Variants in PDZRN4 observed in about 807,000 individuals in gnomAD.
PDZRN4 encodes the protein PDZ domain-containing RING finger protein 4.
Under a neutral mutation model 99.0 loss-of-function variants are expected in PDZRN4, and 70 were observed. The ratio of observed to expected loss-of-function variants is 0.71; its 90% CI spans 0.58 to 0.86. The LOEUF (loss-of-function observed/expected upper bound fraction) is 0.86, where lower values mean the gene tolerates loss of function less well. Ranked by LOEUF, PDZRN4 falls within the 40% of genes least tolerant of loss-of-function variation. PDZRN4 has a pLI of 0.00. For synonymous variants in PDZRN4, 551 were observed against 501.6 expected, an observed-to-expected ratio of 1.10 and a Z score of -1.32; for missense variants, 1,474 against 1,331.2, an observed-to-expected ratio of 1.11 and a Z score of -1.67.
intron 3 of PDZRN4, among the ~76,000 whole-genome samples, chr12:41,312,505 G>C (rs1279591324): frequency 3.3e-5 from 5 of 152,110 alleles, no homozygotes; most frequent in African/African-American, 1.2e-4. Context: ...AGACATATCT[G>C]AGACTGGGTA....
chr12:41,359,246 G>A (rs1257657222), intron 3 of PDZRN4, among the ~76,000 whole-genome samples: 1 of 151,920 alleles, frequency 6.6e-6, no homozygotes, highest in African/African-American at 2.4e-5. Context: ...GTTTGGAATT[G>A]AATTGGAATA....
chr12:41,193,031 T>C (rs1950745515), intron 2 of PDZRN4, among the ~76,000 whole-genome samples: 1 of 152,230 alleles, frequency 6.6e-6, no homozygotes. Context: ...ACTGTCTTAG[T>C]GTTGTTGGCC....
chr12:41,292,275 C>A, intron 3 of PDZRN4, among the ~76,000 whole-genome samples: 1 of 152,138 alleles, frequency 6.6e-6, no homozygotes, highest in African/African-American at 2.4e-5. Context: ...GCTCAAAAAT[C>A]TTTATGAAAG....
At chr12:41,294,496 A>G (rs962131664) in intron 3 of PDZRN4, among the ~76,000 whole-genome samples, 3 of 152,214 alleles carry the variant, frequency 2.0e-5, no homozygotes, top group Non-Finnish European at 4.4e-5. Context: ...CGAGGACTTT[A>G]TGAAGACTCT....
At chr12:41,276,668 T>C (rs983730758) in intron 3 of PDZRN4, among the ~76,000 whole-genome samples, 17 of 152,172 alleles carry the variant, frequency 1.1e-4, no homozygotes, top group African/African-American at 4.1e-4. Flanking sequence ...CAGCTCTTAA[T>C]GTTAGGGCCA....
At chr12:41,409,022 G>T (rs1159847056) in intron 3 of PDZRN4, among the ~76,000 whole-genome samples, 3 of 152,044 alleles carry the variant, frequency 2.0e-5, no homozygotes, top group Admixed American at 2.0e-4. Context: ...TGGTATCATA[G>T]GCAAAACTAT....
At chr12:41,199,978 A>T (rs3911712) in intron 3 of PDZRN4, among the ~76,000 whole-genome samples, 2 of 151,994 alleles carry the variant, frequency 1.3e-5, no homozygotes, top group South Asian at 4.2e-4. Flanking sequence ...ATGTATCCAC[A>T]TAAAAAAACT....
At chr12:41,555,013 C>A (rs987110404) in intron 6 of PDZRN4, among the ~76,000 whole-genome samples, 9 of 145,250 alleles carry the variant, frequency 6.2e-5, no homozygotes, top group Admixed American at 2.8e-4. Flanking sequence ...TCAAGACCAT[C>A]CGGGCTAACA....
intron 3 of PDZRN4, among the ~76,000 whole-genome samples, chr12:41,281,431 G>C (rs900331935): frequency 6.6e-6 from 1 of 152,190 alleles, no homozygotes. Context: ...AGCTAAAGGA[G>C]CATGTTCTAA....
intron 1 of PDZRN4, among the ~76,000 whole-genome samples, chr12:41,189,843 T>A (rs1201056856): frequency 1.3e-5 from 2 of 152,168 alleles, no homozygotes; most frequent in Non-Finnish European, 1.5e-5. Flanking sequence ...AACCTCCATC[T>A]GTGGTCAGAC....
intron 8 of PDZRN4, among the ~76,000 whole-genome samples, chr12:41,565,391 C>T (rs1408033675): frequency 6.6e-6 from 1 of 151,130 alleles, no homozygotes; most frequent in Admixed American, 6.6e-5. Flanking sequence ...CATTTTAATA[C>T]CATACTTTTA....
intron 3 of PDZRN4, among the ~76,000 whole-genome samples, chr12:41,357,645 C>A (rs1182770931): frequency 6.6e-6 from 1 of 151,956 alleles, no homozygotes; most frequent in Non-Finnish European, 1.5e-5. Flanking sequence ...TAAGCATGTA[C>A]TGTACCTAGT....
At chr12:41,394,814 G>A (rs559909285) in intron 3 of PDZRN4, among the ~76,000 whole-genome samples, 1 of 151,418 alleles carries the variant, frequency 6.6e-6, no homozygotes, top group South Asian at 2.1e-4. Context: ...AATGAGAAAT[G>A]AGAGAGAGAG....
At chr12:41,519,560 T>G (rs1938457329) in intron 5 of PDZRN4, among the ~76,000 whole-genome samples, 1 of 152,020 alleles carries the variant, frequency 6.6e-6, no homozygotes, top group Admixed American at 6.6e-5. Flanking sequence ...TTTCTTACTA[T>G]GAATGATCGT....
intron 3 of PDZRN4, among the ~76,000 whole-genome samples, chr12:41,203,970 A>T (rs1950832732): frequency 6.6e-6 from 1 of 152,070 alleles, no homozygotes; most frequent in Admixed American, 6.6e-5. Context: ...ACCTAACTTG[A>T]AAAGTGAAAG....
In PDZRN4 at chr12:41,468,356, A is replaced by G. The variant is rs577169332; in HGVS notation, c.844-38100A>G. On this transcript the variant is annotated intron_variant, in intron 3 of 9. Transcript: ENST00000402685. Reference sequence around the variant, plus strand: ...GTCTTAAGAAAACTCTTTCTCACCCATACATAGGAGGGAATGTTTTCCCTT... The same window carrying G: ...GTCTTAAGAAAACTCTTTCTCACCCGTACATAGGAGGGAATGTTTTCCCTT... Among the ~76,000 whole-genome samples, 3 of 152,332 alleles carry G rather than the reference A, an allele frequency of 2.0e-5. No homozygotes were observed. In the East Asian group the frequency reaches 5.8e-4, roughly 29 times the overall value.
intron 3 of PDZRN4, among the ~76,000 whole-genome samples, chr12:41,335,786 T>C (rs1951769230): frequency 6.6e-6 from 1 of 152,238 alleles, no homozygotes; most frequent in South Asian, 2.1e-4. Context: ...AGCAGCAAAC[T>C]ATGAAATATA....
At chr12:41,227,790 T>C (rs1951003885) in intron 3 of PDZRN4, among the ~76,000 whole-genome samples, 1 of 151,440 alleles carries the variant, frequency 6.6e-6, no homozygotes, top group Non-Finnish European at 1.5e-5. Context: ...CTCTCCTGTG[T>C]GAAGTGTGAT....
At chr12:41,443,486 A>G (rs894658667) in intron 3 of PDZRN4, among the ~76,000 whole-genome samples, 31 of 152,092 alleles carry the variant, frequency 2.0e-4, no homozygotes, top group Admixed American at 7.9e-4. Flanking sequence ...AGAATTTCCC[A>G]TCTTCCAATT....
Sources: allele counts gnomAD v4.1 joint callset (sites outside exome capture counted in the v4.1 genomes callset), GRCh38; gene constraint gnomAD v4.1.1; transcripts MANE v1.5; gene names NCBI Gene and HGNC (gene_info 2026-07-23, HGNC 2026-07-21).